GULP1: variants seen among roughly 807,000 people sequenced by gnomAD.
GULP1 encodes the protein GULP PTB domain containing engulfment adaptor 1.
A neutral mutation model predicts 40.9 loss-of-function variants in GULP1; 19 were observed. That is an observed-to-expected ratio of 0.46 (90% CI 0.32 to 0.68). The LOEUF is 0.68. GULP1 is among the 30% of genes least tolerant of loss of function. GULP1 has a pLI of 0.03. For missense variants in GULP1, 312 were observed against 362.2 expected (o/e 0.86, Z 1.12); for synonymous variants, 119 against 117.6 (o/e 1.01, Z -0.08).
At chr2:188,388,835 T>C (rs2050140321) in intron 2 of GULP1, among the ~76,000 whole-genome samples, 1 of 152,164 alleles carries the variant, frequency 6.6e-6, no homozygotes, top group Admixed American at 6.5e-5. Flanking sequence ...AAGAGAATCA[T>C]GTTTAAGTAA....
At chr2:188,320,677 A>G (rs1336497607) in intron 1 of GULP1, among the ~76,000 whole-genome samples, 1 of 152,184 alleles carries the variant, frequency 6.6e-6, no homozygotes, top group African/African-American at 2.4e-5. Flanking sequence ...GCTGCATCAT[A>G]AAGTTTAAGT....
chr2:188,292,473 G>A lies in GULP1; in HGVS notation c.-172+307G>A, dbSNP rs995519341. Among the ~76,000 whole-genome samples, 15 of 152,208 alleles carry A rather than the reference G, an allele frequency of 9.9e-5. No homozygotes were observed. Among genetic ancestry groups the A allele is most frequent in the Admixed American group, 3.3e-4 (5 of 15,292 alleles). On this transcript the variant is annotated intron_variant, in intron 1 of 11. Coordinates refer to ENST00000409830, the MANE Select transcript of GULP1 (RefSeq NM_016315.4). This position sits in a 1 kb window ranked among gnomAD's most constrained non-coding sequence, Gnocchi z 4.0. ...GAGGTCGGGGACGCAGCGGTCTCCG[G>A]GCTCCAGAAACCTCCTTAGCCTTTT...
chr2:188,425,731 A>G (rs543638000), intron 2 of GULP1, among the ~76,000 whole-genome samples: 2 of 152,268 alleles, frequency 1.3e-5, no homozygotes, highest in African/African-American at 2.4e-5. Flanking sequence ...TACCTCATCT[A>G]TATGAGTACT....
intron 2 of GULP1, among the ~76,000 whole-genome samples, chr2:188,395,584 A>G (rs906247173): frequency 6.6e-6 from 1 of 152,184 alleles, no homozygotes; most frequent in African/African-American, 2.4e-5. Context: ...CTTTGCTGAA[A>G]GGAGCTTCCC....
chr2:188,579,582 A>G lies in GULP1; in HGVS notation c.610-4683A>G, dbSNP rs140705942. Among the ~76,000 whole-genome samples, 353 of 152,210 alleles carry G rather than the reference A, an allele frequency of 2.3e-3. 1 individual carries two copies. The highest frequency in any genetic ancestry group is 8.0e-3 in the African/African-American group (332 of 41,554). Reference sequence around the variant, plus strand: ...AAAAGACCCATGTGATCTAAACAAAAACTGCCAAATTGCTGATGATCCAAA... The same window carrying G: ...AAAAGACCCATGTGATCTAAACAAAGACTGCCAAATTGCTGATGATCCAAA... On this transcript the variant is annotated intron_variant, in intron 9 of 11. Coordinates refer to ENST00000409830, the MANE Select transcript of GULP1 (RefSeq NM_016315.4).
chr2:188,424,637 C>T (rs1444106627), intron 2 of GULP1, among the ~76,000 whole-genome samples: 1 of 151,964 alleles, frequency 6.6e-6, no homozygotes, highest in Non-Finnish European at 1.5e-5. Context: ...CCAATTGTCT[C>T]ATCAAAATTA....
intron 2 of GULP1, among the ~76,000 whole-genome samples, chr2:188,427,639 A>T (rs534776679): frequency 1.3e-5 from 2 of 152,344 alleles, no homozygotes; most frequent in East Asian, 3.9e-4. Context: ...CATGATGTTA[A>T]ACCAGCAGGT....
intron 6 of GULP1, among the ~76,000 whole-genome samples, chr2:188,535,537 A>G (rs1575858156): frequency 6.6e-6 from 1 of 151,988 alleles, no homozygotes; most frequent in Middle Eastern, 3.4e-3. Context: ...TTGTGGCTGC[A>G]TGGTATTCTG....
intron 1 of GULP1, among the ~76,000 whole-genome samples, chr2:188,303,431 C>T (rs1222048141): frequency 1.3e-5 from 2 of 152,076 alleles, no homozygotes; most frequent in Non-Finnish European, 2.9e-5. Flanking sequence ...TCATAATGGG[C>T]AGGTTTGCTG....
intron 2 of GULP1, among the ~76,000 whole-genome samples, chr2:188,439,239 T>C (rs1019842374): frequency 6.6e-6 from 1 of 152,100 alleles, no homozygotes; most frequent in Non-Finnish European, 1.5e-5. Flanking sequence ...AGATTAAAAT[T>C]TAAAACATCA....
At chr2:188,508,476 G>A (rs1246996277) in intron 4 of GULP1, among the ~76,000 whole-genome samples, 1 of 151,930 alleles carries the variant, frequency 6.6e-6, no homozygotes, top group East Asian at 1.9e-4. Context: ...TAAAACAGGT[G>A]ATCACCTCAT....
chr2:188,532,857 G>A (rs1268267836), intron 6 of GULP1, among the ~76,000 whole-genome samples: 1 of 152,074 alleles, frequency 6.6e-6, no homozygotes, highest in African/African-American at 2.4e-5. Flanking sequence ...GTAGGTGGAG[G>A]TTGCAGTGAG....
At position 188,326,947 on chromosome 2, in the gene GULP1, T is replaced by C. The variant is rs371405561; in HGVS notation, c.-172+34781T>C. On this transcript the variant is annotated intron_variant, in intron 1 of 11. Transcript: ENST00000409830. ...AGGCATCGGTCTGTGGTGGAGAGACTTATCTGGAAAACTAGCAGGGAAAAA... is the reference window on the plus strand; with the variant it reads ...AGGCATCGGTCTGTGGTGGAGAGACCTATCTGGAAAACTAGCAGGGAAAAA... Among the ~76,000 whole-genome samples the C allele has an allele frequency of 2.2e-4, 33 of 152,204 alleles. 1 individual carries two copies. Among genetic ancestry groups the C allele is most frequent in the African/African-American group, 7.9e-4 (33 of 41,554 alleles).
chr2:188,544,083 A>G (rs1456293059), intron 7 of GULP1, among the ~76,000 whole-genome samples: 1 of 152,156 alleles, frequency 6.6e-6, no homozygotes, highest in African/African-American at 2.4e-5. Context: ...TTACCAGGCA[A>G]TAAGGGGGCA....
intron 2 of GULP1, among the ~76,000 whole-genome samples, chr2:188,469,574 T>C (rs2060417701): frequency 6.6e-6 from 1 of 152,030 alleles, no homozygotes; most frequent in Non-Finnish European, 1.5e-5. Flanking sequence ...TCTCACATGG[T>C]GTGAGCAGGA....
intron 2 of GULP1, among the ~76,000 whole-genome samples, chr2:188,432,339 T>C (rs2056962432): frequency 6.6e-6 from 1 of 151,818 alleles, no homozygotes; most frequent in Non-Finnish European, 1.5e-5. Flanking sequence ...AGATTACTTA[T>C]GAAAAACTGA....
chr2:188,437,645 A>G (rs981966441), intron 2 of GULP1, among the ~76,000 whole-genome samples: 6 of 152,088 alleles, frequency 3.9e-5, no homozygotes, highest in African/African-American at 1.4e-4. Context: ...TTGCAGTGCT[A>G]TTCACAATAG....
chr2:188,400,001 C>CT (rs1275371532), intron 2 of GULP1, among the ~76,000 whole-genome samples: 1 of 152,042 alleles, frequency 6.6e-6, no homozygotes, highest in Non-Finnish European at 1.5e-5. Flanking sequence ...TGCAATAAGT[C>CT]TAAGATAGGA....
intron 2 of GULP1, among the ~76,000 whole-genome samples, chr2:188,399,522 G>A (rs2051797617): frequency 6.6e-6 from 1 of 151,730 alleles, no homozygotes; most frequent in Admixed American, 6.6e-5. Flanking sequence ...AAAAACAATA[G>A]ATACCTCCTA....
Sources: allele counts gnomAD v4.1 joint callset (sites outside exome capture counted in the v4.1 genomes callset), GRCh38; gene constraint gnomAD v4.1.1; non-coding constraint Gnocchi (gnomAD v3.1); transcripts MANE v1.5; gene names NCBI Gene and HGNC (gene_info 2026-07-23, HGNC 2026-07-21).